Variants in GNAQ observed in about 807,000 individuals in gnomAD.
GNAQ encodes guanine nucleotide-binding protein G(q) subunit alpha.
Under a neutral mutation model 43.9 loss-of-function variants are expected in GNAQ, and 8 were observed. That is an observed-to-expected ratio of 0.18 (90% confidence interval 0.11 to 0.33). The LOEUF (loss-of-function observed/expected upper bound fraction) is 0.33, where lower values mean the gene tolerates loss of function less well. Ranked by LOEUF, GNAQ falls within the 10% of genes least tolerant of loss-of-function variation. GNAQ has a pLI of 1.00. For missense variants in GNAQ, 158 were observed against 450.8 expected, an observed-to-expected ratio of 0.35 and a Z score of 5.88; for synonymous variants, 155 against 170.7, an observed-to-expected ratio of 0.91 and a Z score of 0.71.
At chr9:77,780,952 ATTTTT>A (rs35437600) in intron 5 of GNAQ, among the ~76,000 whole-genome samples, 1 of 130,458 alleles carries the variant, frequency 7.7e-6, no homozygotes. Flanking sequence ...TATTAATTGG[ATTTTT>A]TTTTTTTTTT....
At chr9:78,023,610 C>T (rs1431008112) in intron 1 of GNAQ, among the ~76,000 whole-genome samples, 7 of 151,342 alleles carry the variant, frequency 4.6e-5, no homozygotes, top group Admixed American at 4.0e-4. Flanking sequence ...TCACCAATCA[C>T]CCTGTTGCCC....
chr9:77,758,398 G>GTATT (rs1430671356), intron 5 of GNAQ, among the ~76,000 whole-genome samples: 1 of 152,100 alleles, frequency 6.6e-6, no homozygotes, highest in African/African-American at 2.4e-5. Flanking sequence ...CACTGACACA[G>GTATT]TATTAATAAG....
At chr9:77,946,765 C>T (rs1822905502) in intron 1 of GNAQ, among the ~76,000 whole-genome samples, 1 of 152,162 alleles carries the variant, frequency 6.6e-6, no homozygotes. Context: ...TGGGTTAAAG[C>T]CCAGGGTATC....
At chr9:77,918,344 T>A (rs1265878580) in intron 2 of GNAQ, among the ~76,000 whole-genome samples, 1 of 152,180 alleles carries the variant, frequency 6.6e-6, no homozygotes, top group Non-Finnish European at 1.5e-5. Flanking sequence ...AATGGTTATG[T>A]TTTTAAGCCA....
rs1267206213 is a variant in GNAQ, at chr9:77,778,373, G to C, written c.735+16090C>G. Among the ~76,000 whole-genome samples, 6 of 151,842 alleles carry C rather than the reference G, an allele frequency of 4.0e-5. No homozygotes were observed. The East Asian group carries it at 1.2e-3, about 29-fold the overall frequency. On this transcript the variant is annotated intron_variant, in intron 5 of 6. Coordinates refer to ENST00000286548, the MANE Select transcript of GNAQ (RefSeq NM_002072.5). Reference sequence around the variant, plus strand: ...TATAGTATTCTTTGAGTGTGGACCTGGGTTAGTTGTAAATGTACATTGCAA... The same window carrying C: ...TATAGTATTCTTTGAGTGTGGACCTCGGTTAGTTGTAAATGTACATTGCAA...
intron 2 of GNAQ, among the ~76,000 whole-genome samples, chr9:77,834,658 A>C (rs1230705996): frequency 6.6e-6 from 1 of 152,222 alleles, no homozygotes; most frequent in Non-Finnish European, 1.5e-5. Flanking sequence ...TGAAACAATC[A>C]GATTCCCAGC....
intron 5 of GNAQ, among the ~76,000 whole-genome samples, chr9:77,757,816 A>G (rs1438390590): frequency 6.6e-6 from 1 of 152,228 alleles, no homozygotes; most frequent in African/African-American, 2.4e-5. Flanking sequence ...TTCAATTTTC[A>G]GCAGTCCAAT....
At chr9:77,842,682 A>G (rs1032918678) in intron 2 of GNAQ, among the ~76,000 whole-genome samples, 17 of 152,076 alleles carry the variant, frequency 1.1e-4, no homozygotes, top group East Asian at 1.9e-4. Context: ...CCATGCTAGG[A>G]TTCTCTCAGT....
At chr9:77,906,047 T>C (rs1346102765) in intron 2 of GNAQ, among the ~76,000 whole-genome samples, 1 of 152,066 alleles carries the variant, frequency 6.6e-6, no homozygotes, top group Non-Finnish European at 1.5e-5. Flanking sequence ...TGTATACCTA[T>C]GTAACAAACC....
At chr9:77,782,182 TAAAAG>T (rs887330278) in intron 5 of GNAQ, among the ~76,000 whole-genome samples, 4 of 151,400 alleles carry the variant, frequency 2.6e-5, no homozygotes, top group African/African-American at 7.3e-5. Context: ...AGTATAATAA[TAAAAG>T]AAAAGCTTAA....
At chr9:77,784,603 G>C (rs116764279) in intron 5 of GNAQ, among the ~76,000 whole-genome samples, 1,863 of 152,184 alleles carry the variant, frequency 0.012, 37 homozygotes, top group African/African-American at 0.041. Context: ...ACTACAATTG[G>C]GGGGAAAGAT....
chr9:77,932,264 G>A (rs1422948552), intron 1 of GNAQ, among the ~76,000 whole-genome samples: 2 of 152,164 alleles, frequency 1.3e-5, no homozygotes, highest in African/African-American at 2.4e-5. Context: ...AGCTTGAATT[G>A]TTTATTCTTA....
intron 1 of GNAQ, among the ~76,000 whole-genome samples, chr9:77,954,718 C>T (rs983006876): frequency 6.6e-6 from 1 of 152,172 alleles, no homozygotes; most frequent in African/African-American, 2.4e-5. Flanking sequence ...AAGACATAAG[C>T]TAAGGCACAG....
rs1410539803 is a variant in GNAQ, at chr9:78,005,960, T to TG, written c.136+25139dup. 4.7e-4 allele frequency among the ~76,000 whole-genome samples: 72 copies of TG among 152,138 alleles called. 1 individual carries two copies. Among genetic ancestry groups the TG allele is most frequent in the African/African-American group, 1.7e-3 (69 of 41,448 alleles). On this transcript the variant is annotated intron_variant, in intron 1 of 6. Coordinates refer to ENST00000286548, the MANE Select transcript of GNAQ (RefSeq NM_002072.5). ...CAAGCTTCCATGGGTCCTCTCCAAG[T>TG]GGGGTCACATTTAATGCTGCCAACA...
intron 1 of GNAQ, among the ~76,000 whole-genome samples, chr9:77,960,496 C>T (rs549135934): frequency 2.8e-4 from 43 of 152,092 alleles, no homozygotes; most frequent in Non-Finnish European, 5.9e-4. Context: ...AGAGAGATCC[C>T]GGCTCAATCT....
At chr9:77,774,380 C>T (rs775837228) in intron 5 of GNAQ, among the ~76,000 whole-genome samples, 5 of 152,140 alleles carry the variant, frequency 3.3e-5, no homozygotes, top group African/African-American at 1.2e-4. Flanking sequence ...TTAATTTCTC[C>T]ATTTGCTTGT....
In GNAQ at chr9:77,967,979, TA is replaced by T. The variant is rs201124179; in HGVS notation, c.137-45635del. On this transcript the variant is annotated intron_variant, in intron 1 of 6. Transcript: ENST00000286548. ...TGGGCAACAAGAATGAAACTCCATC[TA>T]AAAAAAATAATAATAAACAACAACA... 7.4e-3 allele frequency among the ~76,000 whole-genome samples: 1,128 copies of T among 152,024 alleles called. 5 individuals carry two copies. Among genetic ancestry groups the T allele is most frequent in the Admixed American group, 0.011 (169 of 15,256 alleles).
At chr9:77,936,772 G>T (rs992524558) in intron 1 of GNAQ, among the ~76,000 whole-genome samples, 1 of 152,126 alleles carries the variant, frequency 6.6e-6, no homozygotes, top group Admixed American at 6.5e-5. Flanking sequence ...GTAGCCTAAC[G>T]CTGACCCTAG....
intron 1 of GNAQ, among the ~76,000 whole-genome samples, chr9:77,939,004 T>G (rs555331187): frequency 6.6e-5 from 10 of 152,320 alleles, no homozygotes; most frequent in Admixed American, 6.5e-4. Context: ...AATGGCTGCA[T>G]GAAGGAGGAG....
Sources: gnomAD v4.1 joint callset for allele counts (sites outside exome capture counted in the v4.1 genomes callset) on GRCh38, gnomAD v4.1.1 for gene constraint, MANE v1.5 for transcripts, NCBI Gene and HGNC (gene_info 2026-07-23, HGNC 2026-07-21) for gene names.